Variants in SAMD12 observed in about 807,000 individuals in gnomAD.
The protein encoded by SAMD12 is sterile alpha motif domain containing 12.
A neutral mutation model predicts 15.0 loss-of-function variants in SAMD12; 9 were observed. The ratio of observed to expected loss-of-function variants is 0.60; its 90% CI spans 0.36 to 1.05. The LOEUF (loss-of-function observed/expected upper bound fraction) is 1.05. SAMD12 is among the 50% of genes least tolerant of loss of function. The probability of loss-of-function intolerance (pLI) is 0.01; values close to 1 mark genes in which losing one functional copy is unlikely to be tolerated. For missense variants in SAMD12, 230 were observed against 234.2 expected (o/e 0.98, Z 0.12); for synonymous variants, 86 against 90.1 (o/e 0.96, Z 0.25).
intron 2 of SAMD12, among the ~76,000 whole-genome samples, chr8:118,563,747 T>C (rs1826773254): frequency 6.6e-6 from 1 of 152,226 alleles, no homozygotes; most frequent in Non-Finnish European, 1.5e-5. Context: ...GTCAATATTC[T>C]CAGAAGTAAA....
chr8:118,503,422 C>T (rs2131046301), intron 2 of SAMD12, among the ~76,000 whole-genome samples: 1 of 152,286 alleles, frequency 6.6e-6, no homozygotes, highest in African/African-American at 2.4e-5. Flanking sequence ...AACAAACATT[C>T]ACGAAGAGTT....
At chr8:118,280,226 A>C (rs1813583980) in intron 4 of SAMD12, among the ~76,000 whole-genome samples, 1 of 152,332 alleles carries the variant, frequency 6.6e-6, no homozygotes, top group Middle Eastern at 3.4e-3. Flanking sequence ...TGATAGCATA[A>C]TGTCCTTGTT....
chr8:118,337,529 A>G (rs1478151061), intron 4 of SAMD12, among the ~76,000 whole-genome samples: 1 of 152,178 alleles, frequency 6.6e-6, no homozygotes, highest in Non-Finnish European at 1.5e-5. Flanking sequence ...TAAAAATATC[A>G]CATGAAAAAT....
chr8:118,578,178 C>T (rs1827198134), intron 2 of SAMD12, among the ~76,000 whole-genome samples: 1 of 152,080 alleles, frequency 6.6e-6, no homozygotes. Flanking sequence ...AATATTATCA[C>T]ATACATTTTC....
At chr8:118,550,505 C>T (rs959022808) in intron 2 of SAMD12, among the ~76,000 whole-genome samples, 3 of 152,114 alleles carry the variant, frequency 2.0e-5, no homozygotes, top group African/African-American at 7.2e-5. Context: ...AGCAGGCCTG[C>T]CCTAAAAGAG....
chr8:118,153,286 T>C, the SAMD12 span, among the ~76,000 whole-genome samples: 1 of 101,350 alleles, frequency 9.9e-6, no homozygotes, highest in Non-Finnish European at 2.3e-5. Flanking sequence ...TCAAGGAAAG[T>C]AGTCCTAATA....
chr8:118,496,948 T>C (rs1477287010), intron 2 of SAMD12, among the ~76,000 whole-genome samples: 4 of 149,696 alleles, frequency 2.7e-5, no homozygotes, highest in African/African-American at 1.0e-4. Flanking sequence ...AAGATATACA[T>C]AGCCAACAAG....
chr8:118,483,915 T>C (rs1824202257), intron 2 of SAMD12, among the ~76,000 whole-genome samples: 1 of 152,246 alleles, frequency 6.6e-6, no homozygotes. Flanking sequence ...AATCAGCATA[T>C]ATACACCAAG....
intron 4 of SAMD12, among the ~76,000 whole-genome samples, chr8:118,203,247 G>C (rs1819763060): frequency 6.6e-6 from 1 of 152,196 alleles, no homozygotes; most frequent in African/African-American, 2.4e-5. Flanking sequence ...TAAGAGGTTT[G>C]ACCTAGAGAA....
At chr8:118,599,797 C>A (rs989637913) in intron 1 of SAMD12, among the ~76,000 whole-genome samples, 1 of 152,074 alleles carries the variant, frequency 6.6e-6, no homozygotes, top group Non-Finnish European at 1.5e-5. Flanking sequence ...TCTCTCCCAC[C>A]ATATGTAAAC....
chr8:118,215,654 C>A (rs1292555704), intron 4 of SAMD12, among the ~76,000 whole-genome samples: 20 of 151,486 alleles, frequency 1.3e-4, no homozygotes, highest in Admixed American at 9.9e-4. Flanking sequence ...GTGATATTCC[C>A]CTTCCTGTGT....
At chr8:118,559,237 T>A (rs1011968954) in intron 2 of SAMD12, among the ~76,000 whole-genome samples, 2 of 152,154 alleles carry the variant, frequency 1.3e-5, no homozygotes, top group Non-Finnish European at 2.9e-5. Flanking sequence ...GAACCCAGAT[T>A]AAGACAGATA....
chr8:118,368,370 T>G (rs977734895), intron 4 of SAMD12, among the ~76,000 whole-genome samples: 11 of 152,202 alleles, frequency 7.2e-5, no homozygotes, highest in Admixed American at 2.0e-4. Context: ...AAAATCCTTA[T>G]CTACCATTAG....
intron 4 of SAMD12, among the ~76,000 whole-genome samples, chr8:118,256,352 T>C (rs1812938552): frequency 6.6e-6 from 1 of 152,164 alleles, no homozygotes; most frequent in Admixed American, 6.6e-5. Context: ...AAATGGGTTA[T>C]GTTTTAATGA....
Position 118,389,238 on chromosome 8 carries a change from T to C in SAMD12, c.323-9538A>G, listed in dbSNP as rs1385938055. Among the ~76,000 whole-genome samples, 3 of 152,242 alleles carry C rather than the reference T, an allele frequency of 2.0e-5. No homozygotes were observed. In the South Asian group the frequency reaches 6.2e-4, roughly 32 times the overall value. ...TTTAGTTAGAATTTCTTACAAATTA[T>C]TTGAAGTACACCTTAATCTGACTGC... On this transcript the variant is annotated intron_variant, in intron 3 of 3. Coordinates refer to ENST00000314727, the MANE Select transcript of SAMD12 (RefSeq NM_207506.3).
At chr8:118,559,744 AG>A (rs756822366) in intron 2 of SAMD12, among the ~76,000 whole-genome samples, 2 of 152,184 alleles carry the variant, frequency 1.3e-5, no homozygotes, top group Non-Finnish European at 2.9e-5. Flanking sequence ...TAGAAAATCT[AG>A]TGTGTAACAC....
chr8:118,603,610 T>C (rs2131302638), intron 1 of SAMD12, among the ~76,000 whole-genome samples: 1 of 152,296 alleles, frequency 6.6e-6, no homozygotes, highest in South Asian at 2.1e-4. Context: ...CTAGCTTTTC[T>C]CAGGAGGATG....
downstream of SAMD12, among the ~76,000 whole-genome samples, chr8:118,373,344 C>A (rs1309843755): frequency 2.0e-5 from 3 of 152,046 alleles, no homozygotes; most frequent in African/African-American, 7.2e-5. Context: ...GTCTATTGCT[C>A]CATTCTACAA....
chr8:118,549,133 T>G (rs1443343731), intron 2 of SAMD12, among the ~76,000 whole-genome samples: 1 of 152,258 alleles, frequency 6.6e-6, no homozygotes, highest in Non-Finnish European at 1.5e-5. Flanking sequence ...CAGTAACCTC[T>G]GCAGACTGAA....
Sources: gnomAD v4.1 joint callset for allele counts (sites outside exome capture counted in the v4.1 genomes callset) on GRCh38, gnomAD v4.1.1 for gene constraint, MANE v1.5 for transcripts, NCBI Gene and HGNC (gene_info 2026-07-23, HGNC 2026-07-21) for gene names.